NSMCE1: variants seen among roughly 807,000 people sequenced by gnomAD.
NSMCE1 encodes the protein NSE1 component of SMC5/6 complex.
Under a neutral mutation model 29.6 loss-of-function variants are expected in NSMCE1, and 18 were observed. The observed-to-expected ratio is 0.61, with a 90% CI of 0.42 to 0.90. The LOEUF (loss-of-function observed/expected upper bound fraction) is 0.90, where lower values mean the gene tolerates loss of function less well. Among genes scored for constraint, NSMCE1 ranks in the 40% least tolerant of loss-of-function variants. NSMCE1 has a pLI of 0.00. For missense variants in NSMCE1, 314 were observed against 343.6 expected, an observed-to-expected ratio of 0.91 and a Z score of 0.68; for synonymous variants, 124 against 133.4, an observed-to-expected ratio of 0.93 and a Z score of 0.49.
intron 6 of NSMCE1, chr16:27,226,264 G>A (rs113336339): frequency 2.0e-4 from 42 of 209,140 alleles, no homozygotes; most frequent in African/African-American, 8.3e-4. Context: ...TACGAGGCCC[G>A]TAAGAGCAAT....
At chr16:27,251,713 C>T (rs951012212) in intron 2 of NSMCE1, among the ~76,000 whole-genome samples, 2 of 152,110 alleles carry the variant, frequency 1.3e-5, no homozygotes, top group Non-Finnish European at 1.5e-5. Flanking sequence ...ATGTTTGGGC[C>T]GGGCACTATT....
chr16:27,234,142 C>T (rs764664937), intron 4 of NSMCE1, 46 bp downstream of exon 4: 1 of 1,287,426 alleles, frequency 7.8e-7, no homozygotes, highest in Admixed American at 1.7e-5. Flanking sequence ...ACAGAACTTT[C>T]CCATAAGAAG....
intron 1 of NSMCE1, among the ~76,000 whole-genome samples, chr16:27,261,565 T>TTA (rs1399541330): frequency 6.6e-6 from 1 of 152,200 alleles, no homozygotes; most frequent in Non-Finnish European, 1.5e-5. Flanking sequence ...TAATGACATT[T>TTA]TATAGAAAAT....
intron 1 of NSMCE1, among the ~76,000 whole-genome samples, chr16:27,261,517 A>C (rs2141011430): frequency 6.6e-6 from 1 of 152,334 alleles, no homozygotes; most frequent in African/African-American, 2.4e-5. Flanking sequence ...AAAACTAATG[A>C]ATGAATTATC....
chr16:27,242,249 G>T (rs1009837821), intron 2 of NSMCE1, among the ~76,000 whole-genome samples: 14 of 152,220 alleles, frequency 9.2e-5, no homozygotes, highest in African/African-American at 2.4e-4. Context: ...AGAGAAAAAT[G>T]AGTGTTGTGT....
intron 1 of NSMCE1, among the ~76,000 whole-genome samples, chr16:27,259,678 G>C (rs1299713353): frequency 6.6e-6 from 1 of 152,076 alleles, no homozygotes; most frequent in Non-Finnish European, 1.5e-5. Context: ...CAAATGATAC[G>C]AATCACTGTC....
At chr16:27,261,166 CAAAAAAAA>C (rs11420728) in intron 1 of NSMCE1, among the ~76,000 whole-genome samples, 1 of 98,104 alleles carries the variant, frequency 1.0e-5, no homozygotes, top group African/African-American at 3.8e-5. Context: ...GACTCCGTCT[CAAAAAAAA>C]AAAAAAAAAG....
intron 3 of NSMCE1, among the ~76,000 whole-genome samples, chr16:27,234,848 G>A (rs1237944565): frequency 6.6e-6 from 1 of 152,164 alleles, no homozygotes. Context: ...GTGGCATCCT[G>A]AACACATCAC....
intron 2 of NSMCE1, among the ~76,000 whole-genome samples, chr16:27,246,629 A>C (rs2083961392): frequency 6.6e-6 from 1 of 152,112 alleles, no homozygotes; most frequent in Non-Finnish European, 1.5e-5. Context: ...ACCTGTGATT[A>C]CAGGCTCATG....
Position 27,225,081 on chromosome 16 carries a change from C to A in NSMCE1, c.*76G>T. On this transcript the variant is annotated 3_prime_UTR_variant, in exon 8 of 8. Coordinates refer to ENST00000361439, the MANE Select transcript of NSMCE1 (RefSeq NM_145080.4). ...GGTGACTCGCGTGGAACCTGAAACACGGACGCCTTTCTTCCAAGAAGGGCT... is the reference window on the plus strand; with the variant it reads ...GGTGACTCGCGTGGAACCTGAAACAAGGACGCCTTTCTTCCAAGAAGGGCT... The A allele has an allele frequency of 1.2e-6, 1 of 812,390 alleles. No individual in the cohort carries two copies. Among genetic ancestry groups the A allele is most frequent in the Non-Finnish European group, 2.1e-6 (1 of 476,778 alleles). 50.3% of individuals were successfully genotyped at this position (812,390 alleles called of 1,614,324 possible). A position where few individuals can be genotyped will look rare whatever the true frequency, so the allele number is the denominator to read the frequency against.
chr16:27,225,807 G>C lies in NSMCE1; in HGVS notation c.640C>G (p.Pro214Ala). 6.2e-7 allele frequency: 1 copy of C among 1,614,134 alleles called. No homozygotes were observed. The highest frequency in any genetic ancestry group is 8.5e-7 in the Non-Finnish European group (1 of 1,179,968). ...GACTGGAAGTACTTGGCCACGCAGG[G>C]TAAGTGCATCCTGATCCCACAGGTT... is the stretch of plus-strand genomic sequence containing the variant. ...CETCGIRMHL[P>A]CVAKYFQSNA... The change falls in exon 7 of 8, where the codon CCC (proline) becomes GCC (alanine). Residue 214 changes from proline (P) to alanine (A), a missense_variant. Transcript: ENST00000361439.
chr16:27,261,074 T>C (rs535325067), intron 1 of NSMCE1, among the ~76,000 whole-genome samples: 1 of 145,542 alleles, frequency 6.9e-6, no homozygotes, highest in South Asian at 2.1e-4. Flanking sequence ...GGCTGAGGCA[T>C]GAGAATCGCT....
At chr16:27,256,244 A>C (rs1291785631) in intron 2 of NSMCE1, among the ~76,000 whole-genome samples, 1 of 152,208 alleles carries the variant, frequency 6.6e-6, no homozygotes, top group Non-Finnish European at 1.5e-5. Context: ...AAACGCCTGC[A>C]TTCCCATTCA....
chr16:27,268,741 G>A lies in NSMCE1; in HGVS notation c.-47C>T, dbSNP rs1368565737. The stretch of plus-strand genomic sequence containing the variant: ...AAGCGCATCCCAGGCCGCGCTAGCG[G>A]ATACGGTCGCAAGGTGGACTCTTCT... On this transcript the variant is annotated 5_prime_UTR_variant, in exon 1 of 8. Coordinates refer to ENST00000361439, the MANE Select transcript of NSMCE1 (RefSeq NM_145080.4). The A allele has an allele frequency of 2.0e-5, 3 of 152,808 alleles. No individual in the cohort carries two copies. The highest frequency in any genetic ancestry group is 2.9e-5 in the Non-Finnish European group (2 of 68,106). The allele number at this position is 152,808 out of a possible 1,614,324, so 9.5% of individuals were successfully genotyped here. A position where few individuals can be genotyped will look rare whatever the true frequency, so the allele number is the denominator to read the frequency against.
At chr16:27,247,927 A>C (rs79634661) in intron 2 of NSMCE1, among the ~76,000 whole-genome samples, 1 of 136,246 alleles carries the variant, frequency 7.3e-6, no homozygotes, top group African/African-American at 3.1e-5. Context: ...ACTCTGTCTC[A>C]AAAAAAAAAA....
chr16:27,247,163 G>A (rs1048653660), intron 2 of NSMCE1, among the ~76,000 whole-genome samples: 6 of 152,198 alleles, frequency 3.9e-5, no homozygotes, highest in Non-Finnish European at 8.8e-5. Flanking sequence ...ATCTTGAATT[G>A]TAGTTCCCAT....
chr16:27,251,163 T>TATATATATATATATATATATATATAAAA (rs2084024935), intron 2 of NSMCE1, among the ~76,000 whole-genome samples: 1 of 67,478 alleles, frequency 1.5e-5, no homozygotes, highest in Admixed American at 1.5e-4. Flanking sequence ...ATTTAAAATA[T>TATATATATATATATATATATATATAAAA]ATATATATAT....
intron 5 of NSMCE1, among the ~76,000 whole-genome samples, chr16:27,228,813 A>C (rs55756259): frequency 2.0e-4 from 12 of 59,192 alleles, no homozygotes; most frequent in Admixed American, 7.7e-4. Context: ...CCACACCCCC[A>C]ACCACCGCCC....
At chr16:27,243,285 T>C (rs1038879535) in intron 2 of NSMCE1, among the ~76,000 whole-genome samples, 8 of 152,248 alleles carry the variant, frequency 5.3e-5, no homozygotes, top group African/African-American at 1.9e-4. Flanking sequence ...GGAAACCCGC[T>C]GTCATGAGAC....
Sources: gnomAD v4.1 joint callset for allele counts (sites outside exome capture counted in the v4.1 genomes callset) on GRCh38, gnomAD v4.1.1 for gene constraint, MANE v1.5 for transcripts, NCBI Gene and HGNC (gene_info 2026-07-23, HGNC 2026-07-21) for gene names.